The following MTERF3 variants were observed in gnomAD, a reference collection of about 807,000 sequenced individuals.
MTERF3 encodes the protein mitochondrial transcription termination factor 3.
Under a neutral mutation model 40.5 loss-of-function variants are expected in MTERF3, and 40 were observed. That is an observed-to-expected ratio of 0.99 (90% CI 0.77 to 1.29). The LOEUF is 1.29. MTERF3 is among the 50% of genes most tolerant of loss of function. The probability of loss-of-function intolerance (pLI) is 0.00; values close to 1 mark genes in which losing one functional copy is unlikely to be tolerated. For synonymous variants in MTERF3, 158 were observed against 166.6 expected, an observed-to-expected ratio of 0.95 and a Z score of 0.40; for missense variants, 452 against 478.2, an observed-to-expected ratio of 0.95 and a Z score of 0.51.
intron 5 of MTERF3, 140 bp from the exon 6 acceptor site, chr8:96,246,071 A>AT: frequency 5.9e-6 from 5 of 850,244 alleles, no homozygotes; most frequent in African/African-American, 1.7e-5. Context: ...CCAGGAATAG[A>AT]TAAGATTAAT....
intron 2 of MTERF3, among the ~76,000 whole-genome samples, chr8:96,257,885 A>C (rs1810309253): frequency 6.6e-6 from 1 of 152,178 alleles, no homozygotes; most frequent in African/African-American, 2.4e-5. Context: ...TATTCCTAGA[A>C]TAGGACCCAT....
At chr8:96,250,075 T>C (rs190942508) in intron 4 of MTERF3, among the ~76,000 whole-genome samples, 296 of 152,280 alleles carry the variant, frequency 1.9e-3, no homozygotes, top group African/African-American at 6.8e-3. Flanking sequence ...TCTCACTGTA[T>C]TTATTTTCAC....
At chr8:96,259,034 T>C (rs1246038433) in intron 1 of MTERF3, among the ~76,000 whole-genome samples, 1 of 152,250 alleles carries the variant, frequency 6.6e-6, no homozygotes, top group African/African-American at 2.4e-5. Flanking sequence ...CAGACCTCAC[T>C]AATCTGTTAA....
rs374506589 is a variant in MTERF3, at chr8:96,258,320, T to C, written c.334+37A>G. 49 of 1,548,784 alleles carry C rather than the reference T, an allele frequency of 3.2e-5. No individual in the cohort carries two copies. The African/African-American group carries it at 5.9e-4, about 19-fold the overall frequency. On this transcript the variant is annotated intron_variant, in intron 2 of 7. Transcript: ENST00000287025. ...AGGTAGCTTGTTCAAATGGCCAAAG[T>C]AGGGAAAGGGAGACTTTTCTGAAAG...
chr8:96,252,007 A>G (rs1490267429), intron 3 of MTERF3, among the ~76,000 whole-genome samples: 2 of 152,190 alleles, frequency 1.3e-5, no homozygotes, highest in East Asian at 1.9e-4. Context: ...GTTGTGTGAT[A>G]CTGAATAAGT....
chr8:96,243,794 G>T, intron 7 of MTERF3, 125 bp downstream of exon 7: 1 of 1,017,576 alleles, frequency 9.8e-7, no homozygotes, highest in Non-Finnish European at 1.5e-6. Context: ...TTTCTCCTCA[G>T]GAGATGGACA....
At position 96,258,631 on chromosome 8, in the gene MTERF3, G is replaced by T. The variant is rs1374328786; in HGVS notation, c.60C>A (p.Leu20=). The part of the protein sequence containing the change: ...RWFNSVKLRS[L]INAAQLTKRF... ...GTTTTGTGAGTTGTGCAGCATTAAT[G>T]AGGCTCCTCAACTTAACTGAGTTAA... Residue 20 remains leucine (L), a synonymous_variant, in exon 2 of 8, where the codon CTC becomes CTA. Transcript: ENST00000287025. The T allele has an allele frequency of 3.1e-6, 5 of 1,614,120 alleles. No homozygotes were observed. In the South Asian group the frequency reaches 5.5e-5, roughly 18 times the overall value.
At chr8:96,251,127 G>A in intron 3 of MTERF3, 32 bp from the exon 4 acceptor site, 1 of 1,516,202 alleles carries the variant, frequency 6.6e-7, no homozygotes, top group Non-Finnish European at 8.8e-7. Flanking sequence ...GTTTGAAGAT[G>A]ACTTCTTAGT....
At chr8:96,246,036 C>T (rs1810014984) in intron 5 of MTERF3, 105 bp from the exon 6 acceptor site, 4 of 1,069,616 alleles carry the variant, frequency 3.7e-6, no homozygotes, top group East Asian at 2.5e-5. Context: ...TAAAATATGA[C>T]CCAATCAGAA....
intron 7 of MTERF3, among the ~76,000 whole-genome samples, chr8:96,242,956 A>G (rs1208732464): frequency 6.6e-6 from 1 of 152,222 alleles, no homozygotes; most frequent in Non-Finnish European, 1.5e-5. Context: ...TTATTTCACA[A>G]TTACTCCATG....
At chr8:96,243,693 A>T (rs1456387582) in intron 7 of MTERF3, among the ~76,000 whole-genome samples, 1 of 152,220 alleles carries the variant, frequency 6.6e-6, no homozygotes, top group Non-Finnish European at 1.5e-5. Flanking sequence ...AACATGAGAG[A>T]GAAGAGAGAC....
chr8:96,245,273 T>C (rs551381139), intron 6 of MTERF3, among the ~76,000 whole-genome samples: 57 of 152,316 alleles, frequency 3.7e-4, no homozygotes, highest in African/African-American at 1.3e-3. Context: ...ATATTTCAAA[T>C]ACTACTACAG....
rs1263028118 is a variant in MTERF3 at position 96,245,710 on chromosome 8, T to C, written c.897+150A>G. On this transcript the variant is annotated intron_variant, in intron 6 of 7. Transcript: ENST00000287025. ...CTGAAACAAACTGCTTGCTAGACATTTGTTAAAGATAATTTCCTATTTCTC... is the reference window on the plus strand; with the variant it reads ...CTGAAACAAACTGCTTGCTAGACATCTGTTAAAGATAATTTCCTATTTCTC... The C allele has an allele frequency of 4.4e-6, 3 of 680,686 alleles. No individual in the cohort carries two copies. The East Asian group carries it at 8.4e-5, about 19-fold the overall frequency. 42.2% of individuals were successfully genotyped at this position (680,686 alleles called of 1,614,324 possible).
In MTERF3 at chr8:96,250,671, GAAGAAGAAGA is replaced by G. The variant is rs1282268609; in HGVS notation, c.677+225_677+234del. ...AGAAGAAGAAGAAGAAGAAGAAGAA[GAAGAAGAAGA>G]AGGAGGAGGAGGAGGGGGGGAGGGG... On this transcript the variant is annotated intron_variant, in intron 4 of 7. Transcript: ENST00000287025. Among the ~76,000 whole-genome samples, 36 of 42,268 alleles carry G rather than the reference GAAGAAGAAGA, an allele frequency of 8.5e-4. 1 individual carries two copies. The highest frequency in any genetic ancestry group is 2.4e-3 in the South Asian group (2 of 838). 27.7% of individuals were successfully genotyped at this position (42,268 alleles called of 152,430 possible).
intron 6 of MTERF3, among the ~76,000 whole-genome samples, chr8:96,245,010 C>T (rs904937914): frequency 4.6e-5 from 7 of 152,096 alleles, no homozygotes; most frequent in Admixed American, 1.3e-4. Context: ...GTCTGAAAAA[C>T]GACATGTCAA....
chr8:96,257,893 C>G (rs905921986), intron 2 of MTERF3, among the ~76,000 whole-genome samples: 2 of 152,098 alleles, frequency 1.3e-5, no homozygotes, highest in Non-Finnish European at 2.9e-5. Context: ...GAATAGGACC[C>G]ATAGGAAGGA....
chr8:96,250,535 A>T (rs1391773227), intron 4 of MTERF3, among the ~76,000 whole-genome samples: 1 of 142,552 alleles, frequency 7.0e-6, no homozygotes, highest in African/African-American at 2.5e-5. Context: ...ATGTGGCGAA[A>T]CCCCATCTCT....
intron 3 of MTERF3, among the ~76,000 whole-genome samples, chr8:96,252,130 C>T (rs1386508355): frequency 6.6e-6 from 1 of 152,176 alleles, no homozygotes; most frequent in Non-Finnish European, 1.5e-5. Flanking sequence ...GTGAGGCCTC[C>T]CCAGCCATAT....
chr8:96,257,281 A>T, intron 2 of MTERF3, 167 bp from the exon 3 acceptor site: 1 of 598,258 alleles, frequency 1.7e-6, no homozygotes, highest in Non-Finnish European at 2.7e-6. Flanking sequence ...GTAAGGTTAC[A>T]ACTATTTAGA....
Sources: gnomAD v4.1 joint callset for allele counts (sites outside exome capture counted in the v4.1 genomes callset) on GRCh38, gnomAD v4.1.1 for gene constraint, MANE v1.5 for transcripts, NCBI Gene and HGNC (gene_info 2026-07-23, HGNC 2026-07-21) for gene names.